Variants in UBTD2 observed in about 807,000 individuals in gnomAD.
UBTD2 encodes ubiquitin domain containing 2, also known as ubiquitin domain-containing protein 2.
A neutral mutation model predicts 19.8 loss-of-function variants in UBTD2; 9 were observed. That is an observed-to-expected ratio of 0.46 (90% confidence interval 0.27 to 0.79). The LOEUF is 0.79. UBTD2 is among the 30% of genes least tolerant of loss of function. UBTD2 has a pLI of 0.14. For missense variants in UBTD2, 250 were observed against 300.4 expected (o/e 0.83, Z 1.24); for synonymous variants, 98 against 103.9 (o/e 0.94, Z 0.35).
At position 172,211,897 on chromosome 5, in the gene UBTD2, G is replaced by A. The variant is rs1327610840; in HGVS notation, c.638C>T (p.Pro213Leu). ...TATAACCTGTACAACATAGTCCTTT[G>A]GGATCTTCAGCTCTTCGAACTTCAT... is the stretch of plus-strand genomic sequence containing the variant. ...DKMKFEELKI[P>L]KDYVVQVIVS... Residue 213 changes from proline (P) to leucine (L), a missense_variant, in exon 3 of 3, where the codon CCA (proline) becomes CTA (leucine). Transcript: ENST00000393792. The A allele has an allele frequency of 6.2e-7, 1 of 1,614,178 alleles. No individual in the cohort carries two copies. Among genetic ancestry groups the A allele is most frequent in the South Asian group, 1.1e-5 (1 of 91,074 alleles).
chr5:172,232,855 G>T (rs776591763), intron 2 of UBTD2, among the ~76,000 whole-genome samples: 15 of 152,074 alleles, frequency 9.9e-5, no homozygotes, highest in Non-Finnish European at 1.9e-4. Context: ...CCACATTCTG[G>T]CCTGGATGAC....
intron 2 of UBTD2, among the ~76,000 whole-genome samples, chr5:172,227,581 TACCAC>T (rs1771795223): frequency 6.6e-6 from 1 of 152,050 alleles, no homozygotes; most frequent in Non-Finnish European, 1.5e-5. Flanking sequence ...GATGGGGTTT[TACCAC>T]GTTAGCCAGG....
intron 2 of UBTD2, among the ~76,000 whole-genome samples, chr5:172,229,571 T>C (rs530907388): frequency 1.7e-4 from 26 of 150,970 alleles, no homozygotes; most frequent in African/African-American, 6.3e-4. Context: ...GAAAACATGT[T>C]AGAAAAAAAT....
intron 1 of UBTD2, among the ~76,000 whole-genome samples, chr5:172,241,621 T>A (rs898666161): frequency 8.5e-5 from 13 of 152,100 alleles, no homozygotes; most frequent in Non-Finnish European, 1.8e-4. Flanking sequence ...TATAGTTTGA[T>A]ATCTGGTAGG....
intron 1 of UBTD2, among the ~76,000 whole-genome samples, chr5:172,275,069 AT>A (rs1484768954): frequency 6.6e-6 from 1 of 152,204 alleles, no homozygotes; most frequent in Non-Finnish European, 1.5e-5. Context: ...TAGGTAATTT[AT>A]AAAGGAAAGA....
chr5:172,283,045 C>T lies in UBTD2; in HGVS notation c.70+551G>A, dbSNP rs1035455162. Among the ~76,000 whole-genome samples the T allele has an allele frequency of 5.9e-5, 9 of 152,160 alleles. 2 individuals are homozygous for T. In the South Asian group the frequency reaches 1.9e-3, roughly 32 times the overall value. ...CCCTCCTTAATACAATGCCTGCGGCCACTGGAGACTCCTCCAGCCGAGCTC... is the reference window on the plus strand; with the variant it reads ...CCCTCCTTAATACAATGCCTGCGGCTACTGGAGACTCCTCCAGCCGAGCTC... On this transcript the variant is annotated intron_variant, in intron 1 of 2. Transcript: ENST00000393792. This position sits in a 1 kb window ranked among gnomAD's most constrained non-coding sequence, Gnocchi z 4.3.
rs140836522 is a variant in UBTD2 at position 172,282,298 on chromosome 5, T to C, written c.70+1298A>G. Reference sequence around the variant, plus strand: ...GATCTCAATATGCCAGTAATAATGCTACGACATAAAATACACTATAAAGTA... The same window carrying C: ...GATCTCAATATGCCAGTAATAATGCCACGACATAAAATACACTATAAAGTA... On this transcript the variant is annotated intron_variant, in intron 1 of 2. Transcript: ENST00000393792. 4.7e-3 allele frequency among the ~76,000 whole-genome samples: 710 copies of C among 152,322 alleles called. 8 individuals carry two copies. The highest frequency in any genetic ancestry group is 0.01 in the Middle Eastern group (3 of 294).
At chr5:172,249,813 A>G (rs1214948128) in intron 1 of UBTD2, among the ~76,000 whole-genome samples, 1 of 152,218 alleles carries the variant, frequency 6.6e-6, no homozygotes, top group East Asian at 1.9e-4. Context: ...ATTAAGGGGG[A>G]ACCCACGTGA....
intron 1 of UBTD2, among the ~76,000 whole-genome samples, chr5:172,237,708 G>A (rs577851994): frequency 6.3e-4 from 96 of 152,238 alleles, no homozygotes; most frequent in African/African-American, 2.2e-3. Context: ...CTATCCTCTC[G>A]TGAAAACATG....
chr5:172,223,233 C>A (rs550680394), intron 2 of UBTD2, among the ~76,000 whole-genome samples: 2 of 152,182 alleles, frequency 1.3e-5, no homozygotes, highest in Non-Finnish European at 1.5e-5. Flanking sequence ...CTACAAGTAA[C>A]TAAAGCAGAT....
At chr5:172,222,343 T>A (rs17074475) in intron 2 of UBTD2, among the ~76,000 whole-genome samples, 31,110 of 152,114 alleles carry the variant, frequency 0.2, 4,036 homozygotes, top group East Asian at 0.37. Context: ...CTAACAAGGA[T>A]CAATAGGAAA....
intron 1 of UBTD2, among the ~76,000 whole-genome samples, chr5:172,262,057 A>G (rs1358194438): frequency 6.6e-6 from 1 of 152,224 alleles, no homozygotes; most frequent in Non-Finnish European, 1.5e-5. Context: ...TCTCTTTCAG[A>G]TCAAAATCAG....
rs578212504 is a variant in UBTD2, at chr5:172,211,004, G to A, written c.*826C>T. 2.6e-5 allele frequency: 4 copies of A among 152,228 alleles called. No individual in the cohort carries two copies. Among genetic ancestry groups the A allele is most frequent in the Admixed American group, 2.6e-4 (4 of 15,292 alleles). The allele number at this position is 152,228 out of a possible 1,614,324, so 9.4% of individuals were successfully genotyped here. On this transcript the variant is annotated 3_prime_UTR_variant, in exon 3 of 3. Transcript: ENST00000393792. The stretch of plus-strand genomic sequence containing the variant: ...GTACTATATAGTAGTGACCTTCTAA[G>A]CCTGGATATAAAAATGGCTTCGTTA...
chr5:172,228,266 T>C (rs1771811120), intron 2 of UBTD2, among the ~76,000 whole-genome samples: 1 of 152,178 alleles, frequency 6.6e-6, no homozygotes, highest in South Asian at 2.1e-4. Flanking sequence ...GGGCATTGAG[T>C]TGCATTAGTT....
intron 1 of UBTD2, chr5:172,255,295 A>G: frequency 2.2e-6 from 1 of 447,394 alleles, no homozygotes. Flanking sequence ...TAGGGTCTGA[A>G]AGAACTCATC....
chr5:172,262,958 G>A (rs879271793), intron 1 of UBTD2, among the ~76,000 whole-genome samples: 9 of 152,168 alleles, frequency 5.9e-5, no homozygotes, highest in Non-Finnish European at 1.2e-4. Context: ...TATTTTTTGA[G>A]ACAGGGTCTT....
In UBTD2 at chr5:172,226,968, G is replaced by A. The variant is rs78321610; in HGVS notation, c.307+7154C>T. 6.7e-3 allele frequency among the ~76,000 whole-genome samples: 1,017 copies of A among 152,266 alleles called. 13 individuals carry two copies. The highest frequency in any genetic ancestry group is 0.023 in the African/African-American group (951 of 41,540). ...TATGATAGGCAAATCATGATTAAGA[G>A]CTTGTGTAACACTGCACCACAGTTT... On this transcript the variant is annotated intron_variant, in intron 2 of 2. Transcript: ENST00000393792.
At chr5:172,242,823 T>C (rs181725761) in intron 1 of UBTD2, among the ~76,000 whole-genome samples, 155 of 152,354 alleles carry the variant, frequency 1.0e-3, no homozygotes, top group African/African-American at 3.7e-3. Flanking sequence ...GTGATTCTTC[T>C]AAGTATGTCA....
chr5:172,230,785 ATTTT>A (rs11332821), intron 2 of UBTD2, among the ~76,000 whole-genome samples: 1 of 143,210 alleles, frequency 7.0e-6, no homozygotes. Flanking sequence ...TTTTTTCCTT[ATTTT>A]TTTTTTTTTT....
Sources: allele counts gnomAD v4.1 joint callset (sites outside exome capture counted in the v4.1 genomes callset), GRCh38; gene constraint gnomAD v4.1.1; non-coding constraint Gnocchi (gnomAD v3.1); transcripts MANE v1.5; gene names NCBI Gene and HGNC (gene_info 2026-07-23, HGNC 2026-07-21).